Variants in DNAH9 observed in about 807,000 individuals in gnomAD.
The protein encoded by DNAH9 is DNAH9 variant protein.
DNAH9 carries 345 observed loss-of-function variants against 471.6 expected under a neutral mutation model. The ratio of observed to expected loss-of-function variants is 0.73; its 90% CI spans 0.67 to 0.80. The LOEUF is 0.80. DNAH9 is among the 30% of genes least tolerant of loss of function. The probability of loss-of-function intolerance (pLI) is 0.00; values close to 1 mark genes in which losing one functional copy is unlikely to be tolerated. For synonymous variants in DNAH9, 2,093 were observed against 2,123.6 expected (o/e 0.99, Z 0.40); for missense variants, 5,407 against 5,609.2 (o/e 0.96, Z 1.15).
intron 32 of DNAH9, among the ~76,000 whole-genome samples, chr17:11,748,436 A>G (rs1966991170): frequency 6.6e-6 from 1 of 152,162 alleles, no homozygotes; most frequent in Admixed American, 6.5e-5. Context: ...GACTTCAAGT[A>G]TGTGTTGGGT....
intron 62 of DNAH9, among the ~76,000 whole-genome samples, chr17:11,928,515 C>T (rs1353690417): frequency 6.6e-6 from 1 of 152,160 alleles, no homozygotes; most frequent in Admixed American, 6.6e-5. Context: ...GCAATGAAGC[C>T]GGGTGACTCC....
chr17:11,690,911 CAA>C (rs2074323976), intron 20 of DNAH9, among the ~76,000 whole-genome samples: 2 of 152,182 alleles, frequency 1.3e-5, no homozygotes, highest in African/African-American at 4.8e-5. Flanking sequence ...AAACACCAAA[CAA>C]TGGATTCCCC....
chr17:11,938,463 AAAAAAAC>A (rs1294030647), intron 66 of DNAH9, among the ~76,000 whole-genome samples: 4 of 151,008 alleles, frequency 2.6e-5, no homozygotes, highest in Admixed American at 1.3e-4. Context: ...CTCCAAAAAA[AAAAAAAC>A]AAAAAAAGAA....
Position 11,783,576 on chromosome 17 carries a change from G to T in DNAH9, c.7719-70G>T. On this transcript the variant is annotated intron_variant, in intron 39 of 68. Transcript: ENST00000262442. ...CATGAACAGTAGGGCACATCCTACC[G>T]CACCTTGACAAAGCACTCACCTGCC... The T allele has an allele frequency of 3.4e-6, 4 of 1,171,654 alleles. No individual in the cohort carries two copies. In the South Asian group the frequency reaches 3.9e-5, roughly 12 times the overall value. The allele number at this position is 1,171,654 out of a possible 1,614,324, so 72.6% of individuals were successfully genotyped here. A position where few individuals can be genotyped will look rare whatever the true frequency, so the allele number is the denominator to read the frequency against.
At chr17:11,614,067 G>A (rs1024737019) in intron 4 of DNAH9, among the ~76,000 whole-genome samples, 1 of 152,102 alleles carries the variant, frequency 6.6e-6, no homozygotes, top group Non-Finnish European at 1.5e-5. Flanking sequence ...CATAAAAAGA[G>A]AAATTCTTTA....
At position 11,815,508 on chromosome 17, in the gene DNAH9, G is replaced by A. The variant is rs144458045; in HGVS notation, c.8707+5139G>A. On this transcript the variant is annotated intron_variant, in intron 45 of 68. Coordinates refer to ENST00000262442, the MANE Select transcript of DNAH9 (RefSeq NM_001372.4). The stretch of plus-strand genomic sequence containing the variant: ...GGGTCTATCTCAACTATAATTCCTG[G>A]CCAGGAGCAGTGGCTTACACCTGTA... Among the ~76,000 whole-genome samples, 1,324 of 152,138 alleles carry A rather than the reference G, an allele frequency of 8.7e-3. 12 individuals are homozygous for A. Among genetic ancestry groups the A allele is most frequent in the Middle Eastern group, 0.031 (9 of 294 alleles).
intron 55 of DNAH9, chr17:11,883,235 T>A (rs1380722325): frequency 1.9e-4 from 189 of 1,019,786 alleles, no homozygotes; most frequent in Non-Finnish European, 2.2e-4. Context: ...TCCAGAGAAC[T>A]AAAACTGGAC....
chr17:11,687,902 G>C (rs1008428321), intron 19 of DNAH9, among the ~76,000 whole-genome samples: 59 of 151,940 alleles, frequency 3.9e-4, no homozygotes, highest in Middle Eastern at 3.4e-3. Context: ...TTGGGAGGCT[G>C]AGGCAGGTGG....
chr17:11,909,441 C>A (rs1973716114), intron 61 of DNAH9, among the ~76,000 whole-genome samples: 1 of 152,102 alleles, frequency 6.6e-6, no homozygotes, highest in African/African-American at 2.4e-5. Context: ...CTCAAATTAG[C>A]CGGTCTTGAA....
intron 17 of DNAH9, among the ~76,000 whole-genome samples, chr17:11,675,036 G>A (rs754862682): frequency 1.3e-5 from 2 of 152,020 alleles, no homozygotes; most frequent in Non-Finnish European, 2.9e-5. Flanking sequence ...AATTATATTT[G>A]TAGTGACTAT....
At chr17:11,852,395 C>T (rs374721045) in intron 49 of DNAH9, among the ~76,000 whole-genome samples, 4 of 152,214 alleles carry the variant, frequency 2.6e-5, no homozygotes, top group South Asian at 4.1e-4. Context: ...ACCTGGCAGA[C>T]AGCCTAATGC....
chr17:11,603,076 GGT>G (rs1362235252), intron 1 of DNAH9, among the ~76,000 whole-genome samples: 1 of 152,054 alleles, frequency 6.6e-6, no homozygotes, highest in Non-Finnish European at 1.5e-5. Flanking sequence ...ATACTCAGTT[GGT>G]GCAACCACAA....
chr17:11,870,742 C>A (rs1160804719), intron 51 of DNAH9, among the ~76,000 whole-genome samples: 2 of 152,162 alleles, frequency 1.3e-5, no homozygotes, highest in Admixed American at 1.3e-4. Context: ...GGCTGGAGCA[C>A]TTTCTGAGTC....
In DNAH9 at chr17:11,727,903, T is replaced by C. The variant is rs1376346403; in HGVS notation, c.5795T>C (p.Leu1932Ser). The change falls in exon 28 of 69, where the codon TTG (leucine) becomes TCG (serine). Residue 1932 changes from leucine to serine, a missense_variant. Leu to Ser is a moderately radical substitution (Grantham distance 145). Coordinates refer to ENST00000262442, the MANE Select transcript of DNAH9 (RefSeq NM_001372.4). ...TTTAATCGAATCTCCGTGGAGGTCT[T>C]GTCAGTGGTGGCAGTGCAGGTAAGG... ...DEFNRISVEV[L>S]SVVAVQVKSI... The C allele has an allele frequency of 6.2e-7, 1 of 1,613,768 alleles. No homozygotes were observed. The highest frequency in any genetic ancestry group is 8.5e-7 in the Non-Finnish European group (1 of 1,179,662).
chr17:11,931,153 C>A (rs1336310199), intron 63 of DNAH9, among the ~76,000 whole-genome samples: 1 of 152,182 alleles, frequency 6.6e-6, no homozygotes, highest in East Asian at 1.9e-4. Context: ...TGAATTGTAG[C>A]AGAGTGGAGG....
intron 61 of DNAH9, among the ~76,000 whole-genome samples, chr17:11,909,179 C>T (rs2151018303): frequency 6.6e-6 from 1 of 152,294 alleles, no homozygotes; most frequent in South Asian, 2.1e-4. Context: ...AGTCTTGATG[C>T]TCTGGCATTT....
chr17:11,895,605 G>T (rs553001620), intron 59 of DNAH9, among the ~76,000 whole-genome samples: 1 of 152,154 alleles, frequency 6.6e-6, no homozygotes, highest in African/African-American at 2.4e-5. Flanking sequence ...AACACATCTG[G>T]GAAATTGTCA....
intron 26 of DNAH9, among the ~76,000 whole-genome samples, chr17:11,713,131 C>T (rs552893166): frequency 1.3e-5 from 2 of 152,108 alleles, no homozygotes; most frequent in Non-Finnish European, 2.9e-5. Flanking sequence ...TTAGCTCCCA[C>T]TTATAAGTGT....
At chr17:11,927,999 G>A (rs1027441988) in intron 62 of DNAH9, among the ~76,000 whole-genome samples, 1 of 152,076 alleles carries the variant, frequency 6.6e-6, no homozygotes, top group Non-Finnish European at 1.5e-5. Flanking sequence ...TGCTCCAATT[G>A]ATTTGATTAT....
Sources: gnomAD v4.1 joint callset for allele counts (sites outside exome capture counted in the v4.1 genomes callset) on GRCh38, gnomAD v4.1.1 for gene constraint, MANE v1.5 for transcripts, NCBI Gene and HGNC (gene_info 2026-07-23, HGNC 2026-07-21) for gene names.